The following DLG2 variants were observed in gnomAD, a reference collection of about 807,000 sequenced individuals.
DLG2 encodes disks large homolog 2.
Under a neutral mutation model 132.5 loss-of-function variants are expected in DLG2, and 45 were observed. The observed-to-expected ratio is 0.34, with a 90% CI of 0.27 to 0.44. DLG2 has a LOEUF of 0.44. Among genes scored for constraint, DLG2 ranks in the 20% least tolerant of loss-of-function variants. DLG2 has a pLI of 1.00. For missense variants in DLG2, 1,045 were observed against 1,196.9 expected (o/e 0.87, Z 1.87); for synonymous variants, 424 against 419.6 (o/e 1.01, Z -0.13).
intron 6 of DLG2, among the ~76,000 whole-genome samples, chr11:84,999,902 A>C (rs1366138227): frequency 6.6e-6 from 1 of 152,142 alleles, no homozygotes; most frequent in African/African-American, 2.4e-5. Context: ...TGCCTTAAGA[A>C]ACATGGCAGA....
At chr11:84,740,536 T>C (rs760119868) in intron 6 of DLG2, among the ~76,000 whole-genome samples, 30 of 151,878 alleles carry the variant, frequency 2.0e-4, no homozygotes, top group African/African-American at 6.3e-4. Flanking sequence ...CAGTTCCATA[T>C]AGAGAACAAA....
intron 2 of DLG2, among the ~76,000 whole-genome samples, chr11:85,602,409 G>A (rs2080231019): frequency 6.6e-6 from 1 of 151,148 alleles, no homozygotes; most frequent in East Asian, 1.9e-4. Flanking sequence ...TTTTCTTTCT[G>A]TCTTTGTTTG....
At position 83,914,889 on chromosome 11, in the gene DLG2, G is replaced by A. The variant is rs577719927; in HGVS notation, c.1496+15439C>T. 1.2e-3 allele frequency among the ~76,000 whole-genome samples: 185 copies of A among 152,266 alleles called. 1 individual carries two copies. The highest frequency in any genetic ancestry group is 4.1e-3 in the African/African-American group (171 of 41,566). On this transcript the variant is annotated intron_variant, in intron 15 of 27. Transcript: ENST00000376104. ...TGTAGATATAGAGACGAGAGACATAGGCACATAGTTTAAAATCAGATCTGT... is the reference window on the plus strand; with the variant it reads ...TGTAGATATAGAGACGAGAGACATAAGCACATAGTTTAAAATCAGATCTGT...
intron 4 of DLG2, among the ~76,000 whole-genome samples, chr11:85,160,140 C>T (rs2077915344): frequency 6.6e-6 from 1 of 152,156 alleles, no homozygotes; most frequent in Non-Finnish European, 1.5e-5. Flanking sequence ...GGCACAATGC[C>T]TAGTGGGTGT....
chr11:83,489,194 C>T (rs536597815), intron 21 of DLG2, among the ~76,000 whole-genome samples: 1 of 152,038 alleles, frequency 6.6e-6, no homozygotes, highest in South Asian at 2.1e-4. Context: ...ACAAAACTCC[C>T]TCAAATGAAT....
At chr11:85,030,432 TAA>T (rs2060909082) in intron 6 of DLG2, among the ~76,000 whole-genome samples, 1 of 152,186 alleles carries the variant, frequency 6.6e-6, no homozygotes, top group Non-Finnish European at 1.5e-5. Context: ...ACTGTTTTAT[TAA>T]AAAGTTATAC....
chr11:85,191,386 C>A (rs559533741), intron 4 of DLG2, among the ~76,000 whole-genome samples: 1 of 151,956 alleles, frequency 6.6e-6, no homozygotes, highest in Non-Finnish European at 1.5e-5. Flanking sequence ...ACACACCACA[C>A]CCCCACCAAC....
intron 6 of DLG2, among the ~76,000 whole-genome samples, chr11:84,700,329 C>CA (rs879493226): frequency 0.012 from 1,790 of 145,012 alleles, 17 homozygotes; most frequent in African/African-American, 0.02. Context: ...ATGCTAAGTG[C>CA]AAAAAAAAAA....
chr11:85,130,656 A>G (rs1434081084), intron 5 of DLG2, among the ~76,000 whole-genome samples: 1 of 152,194 alleles, frequency 6.6e-6, no homozygotes, highest in Admixed American at 6.5e-5. Context: ...AGCCAGAGCT[A>G]TTGGAAAGTG....
chr11:85,384,479 G>T (rs1379664168), intron 3 of DLG2, among the ~76,000 whole-genome samples: 1 of 152,134 alleles, frequency 6.6e-6, no homozygotes, highest in African/African-American at 2.4e-5. Context: ...TTGAGCATAG[G>T]CTTTAGAGTC....
At chr11:84,868,690 C>A (rs1169891666) in intron 6 of DLG2, among the ~76,000 whole-genome samples, 2 of 152,070 alleles carry the variant, frequency 1.3e-5, no homozygotes, top group Non-Finnish European at 2.9e-5. Flanking sequence ...CAGACACAGA[C>A]CCCCGACATA....
chr11:85,291,877 G>A (rs369087490), intron 3 of DLG2, among the ~76,000 whole-genome samples: 22 of 152,150 alleles, frequency 1.4e-4, no homozygotes, highest in South Asian at 1.0e-3. Flanking sequence ...AAGCCACCAC[G>A]CCTGGCCAGG....
At chr11:84,906,585 G>T (rs957912939) in intron 6 of DLG2, among the ~76,000 whole-genome samples, 1 of 151,984 alleles carries the variant, frequency 6.6e-6, no homozygotes, top group Non-Finnish European at 1.5e-5. Context: ...CATTTATGAC[G>T]CCCATAACTC....
chr11:83,648,238 G>A (rs2068867782), intron 18 of DLG2, among the ~76,000 whole-genome samples: 1 of 152,160 alleles, frequency 6.6e-6, no homozygotes, highest in South Asian at 2.1e-4. Flanking sequence ...ACAGTACAGA[G>A]AGGAAGTACA....
chr11:84,371,437 G>A (rs919348426), intron 7 of DLG2, among the ~76,000 whole-genome samples: 16 of 151,528 alleles, frequency 1.1e-4, no homozygotes, highest in African/African-American at 3.6e-4. Context: ...TTGTATAGAC[G>A]GGGTTTTGCC....
At chr11:84,380,990 A>G (rs1418694907) in intron 7 of DLG2, among the ~76,000 whole-genome samples, 1 of 151,950 alleles carries the variant, frequency 6.6e-6, no homozygotes, top group Non-Finnish European at 1.5e-5. Flanking sequence ...CCTTAAAGTT[A>G]TGCGAAAGGA....
intron 8 of DLG2, among the ~76,000 whole-genome samples, chr11:84,193,285 G>A (rs1041190487): frequency 2.0e-5 from 3 of 152,164 alleles, no homozygotes; most frequent in Non-Finnish European, 4.4e-5. Flanking sequence ...CCAATTTTAA[G>A]GGAAAACAAC....
intron 20 of DLG2, among the ~76,000 whole-genome samples, chr11:83,538,216 CT>C (rs2095948669): frequency 6.6e-6 from 1 of 152,186 alleles, no homozygotes. Context: ...AGTTTCCTTA[CT>C]TGTAAAAAGG....
Position 84,022,226 on chromosome 11 carries a change from G to A in DLG2, c.919+37089C>T, listed in dbSNP as rs78966439. 4.9e-3 allele frequency among the ~76,000 whole-genome samples: 750 copies of A among 152,122 alleles called. 6 individuals carry two copies. The highest frequency in any genetic ancestry group is 0.018 in the African/African-American group (732 of 41,506). ...CAGGAAAAGCTTGTTAAAAACATTC[G>A]GGGCATCCTTTTCTCTGACCCCAAA... On this transcript the variant is annotated intron_variant, in intron 11 of 27. Transcript: ENST00000376104.
Sources: allele counts gnomAD v4.1 joint callset (sites outside exome capture counted in the v4.1 genomes callset), GRCh38; gene constraint gnomAD v4.1.1; transcripts MANE v1.5; gene names NCBI Gene and HGNC (gene_info 2026-07-23, HGNC 2026-07-21).